The following PRKAR2A variants were observed in gnomAD, a reference collection of about 807,000 sequenced individuals.
PRKAR2A encodes the protein cAMP-dependent protein kinase type II-alpha regulatory subunit.
A neutral mutation model predicts 51.9 loss-of-function variants in PRKAR2A; 29 were observed. The ratio of observed to expected loss-of-function variants is 0.56; its 90% confidence interval spans 0.42 to 0.76. The LOEUF (loss-of-function observed/expected upper bound fraction) is 0.76. PRKAR2A is among the 30% of genes least tolerant of loss of function. The pLI is 0.00. For missense variants in PRKAR2A, 445 were observed against 512.1 expected, an observed-to-expected ratio of 0.87 and a Z score of 1.26; for synonymous variants, 178 against 186.2, an observed-to-expected ratio of 0.96 and a Z score of 0.36.
intron 2 of PRKAR2A, among the ~76,000 whole-genome samples, chr3:48,805,914 C>T (rs2082670546): frequency 6.6e-6 from 1 of 152,168 alleles, no homozygotes; most frequent in Non-Finnish European, 1.5e-5. Context: ...ACAACAATGG[C>T]AGAGGGCCAA....
chr3:48,758,337 G>A (rs1324862976), intron 8 of PRKAR2A, among the ~76,000 whole-genome samples: 1 of 151,584 alleles, frequency 6.6e-6, no homozygotes, highest in East Asian at 1.9e-4. Context: ...CTAGCACTTT[G>A]GGAGGCCACG....
Position 48,781,137 on chromosome 3 carries a change from ATTTTTTT to A in PRKAR2A, c.542+1842_542+1848del, listed in dbSNP as rs71077735. On this transcript the variant is annotated intron_variant, in intron 5 of 10. Coordinates refer to ENST00000265563, the MANE Select transcript of PRKAR2A (RefSeq NM_004157.4). ...AGGCGTGCACCACCATGCCTGGCTA[ATTTTTTT>A]TTTTTTTTTTTTTGTATTTTTAGTA... is the stretch of plus-strand genomic sequence containing the variant. Among the ~76,000 whole-genome samples the A allele has an allele frequency of 6.8e-3, 847 of 124,312 alleles. 22 individuals carry two copies. The highest frequency in any genetic ancestry group is 4.0e-3 in the Non-Finnish European group (237 of 58,618). 81.6% of individuals were successfully genotyped at this position (124,312 alleles called of 152,430 possible).
intron 3 of PRKAR2A, among the ~76,000 whole-genome samples, 161 bp downstream of exon 3, chr3:48,793,836 C>T (rs905251491): frequency 1.3e-5 from 2 of 152,120 alleles, no homozygotes; most frequent in Non-Finnish European, 2.9e-5. Flanking sequence ...GCTCACATAC[C>T]CTCAACCAAT....
intron 1 of PRKAR2A, among the ~76,000 whole-genome samples, chr3:48,834,314 C>T (rs894929291): frequency 1.3e-5 from 2 of 151,952 alleles, no homozygotes; most frequent in African/African-American, 4.8e-5. Context: ...GAGGTAGAGG[C>T]ATAAATCAGA....
chr3:48,840,853 G>A (rs1013469593), intron 1 of PRKAR2A, among the ~76,000 whole-genome samples: 1 of 148,440 alleles, frequency 6.7e-6, no homozygotes, highest in East Asian at 2.0e-4. Flanking sequence ...TGGGATTACA[G>A]GCATGAGCCA....
At chr3:48,762,826 T>C (rs1402577357) in intron 8 of PRKAR2A, among the ~76,000 whole-genome samples, 1 of 152,154 alleles carries the variant, frequency 6.6e-6, no homozygotes, top group Non-Finnish European at 1.5e-5. Flanking sequence ...AACGATCTAC[T>C]GATACATACA....
chr3:48,769,312 C>T (rs1478500393), intron 6 of PRKAR2A, among the ~76,000 whole-genome samples: 3 of 151,638 alleles, frequency 2.0e-5, no homozygotes, highest in South Asian at 2.1e-4. Context: ...CGCCTGCCAC[C>T]GCGCCCGGCT....
intron 9 of PRKAR2A, among the ~76,000 whole-genome samples, chr3:48,754,906 GACTCAC>G (rs1400218561): frequency 5.0e-5 from 7 of 139,920 alleles, no homozygotes; most frequent in Non-Finnish European, 4.6e-5. Context: ...AACAGAGCAA[GACTCAC>G]TCAAAAAAAA....
chr3:48,781,948 T>C (rs765363890), intron 5 of PRKAR2A, among the ~76,000 whole-genome samples: 3 of 152,198 alleles, frequency 2.0e-5, no homozygotes, highest in Non-Finnish European at 1.5e-5. Context: ...ACCAGGCCTA[T>C]GATTAATTTT....
chr3:48,776,968 A>G (rs2082115149), intron 5 of PRKAR2A, among the ~76,000 whole-genome samples: 1 of 152,158 alleles, frequency 6.6e-6, no homozygotes, highest in Admixed American at 6.6e-5. Flanking sequence ...AGTCGACTCC[A>G]TTTTTGATGT....
At chr3:48,815,211 G>C (rs2082854257) in intron 1 of PRKAR2A, among the ~76,000 whole-genome samples, 1 of 151,938 alleles carries the variant, frequency 6.6e-6, no homozygotes, top group Non-Finnish European at 1.5e-5. Context: ...ACTGCACCCA[G>C]CCTTCAATTT....
chr3:48,769,227 G>A (rs1320031364), intron 6 of PRKAR2A, among the ~76,000 whole-genome samples: 2 of 139,404 alleles, frequency 1.4e-5, no homozygotes, highest in East Asian at 4.6e-4. Context: ...GCACAATCTC[G>A]GCTCACTGCA....
At chr3:48,798,615 G>C (rs913165356) in intron 2 of PRKAR2A, among the ~76,000 whole-genome samples, 2 of 150,990 alleles carry the variant, frequency 1.3e-5, no homozygotes, top group Non-Finnish European at 2.9e-5. Flanking sequence ...GGGTACATGG[G>C]TATTATACTA....
At chr3:48,846,118 A>T (rs1376873288) in intron 1 of PRKAR2A, among the ~76,000 whole-genome samples, 1 of 152,156 alleles carries the variant, frequency 6.6e-6, no homozygotes, top group African/African-American at 2.4e-5. Flanking sequence ...AGTAGAGCCA[A>T]TGAAGCTGCT....
intron 1 of PRKAR2A, among the ~76,000 whole-genome samples, chr3:48,825,760 C>T (rs149358250): frequency 6.6e-6 from 1 of 152,318 alleles, no homozygotes; most frequent in African/African-American, 2.4e-5. Context: ...CATCAGTTCA[C>T]ATCTGGCCCC....
rs554072531 is a variant in PRKAR2A, at chr3:48,751,569, C to T, written c.*16G>A. 8.7e-6 allele frequency: 14 copies of T among 1,609,204 alleles called. No individual in the cohort carries two copies. The African/African-American group carries it at 1.9e-4, about 21-fold the overall frequency. Reference sequence around the variant, plus strand: ...GTTTTGGTGTCACACTAAGAAGGCTCTGGGGTGTGGCACACCTACTGCCCG... The same window carrying T: ...GTTTTGGTGTCACACTAAGAAGGCTTTGGGGTGTGGCACACCTACTGCCCG... On this transcript the variant is annotated 3_prime_UTR_variant, in exon 11 of 11. Transcript: ENST00000265563.
In PRKAR2A at chr3:48,847,249, T is replaced by C; in HGVS notation, c.262+86A>G. ...AATCCCAGCCTGCGGTCGGCTTGGC[T>C]GCGGCGCGACACCTGGCTCCCTGCC... is the stretch of plus-strand genomic sequence containing the variant. On this transcript the variant is annotated intron_variant, in intron 1 of 10. Transcript: ENST00000265563. The surrounding 1 kb of genome is among the most constrained non-coding windows in gnomAD (Gnocchi z 4.4). 6.7e-6 allele frequency: 10 copies of C among 1,492,074 alleles called. No individual in the cohort carries two copies. The highest frequency in any genetic ancestry group is 5.1e-5 in the East Asian group (2 of 39,036). 92.4% of individuals were successfully genotyped at this position (1,492,074 alleles called of 1,614,324 possible).
intron 2 of PRKAR2A, among the ~76,000 whole-genome samples, chr3:48,797,759 G>A (rs1434858598): frequency 6.6e-6 from 1 of 152,186 alleles, no homozygotes; most frequent in East Asian, 1.9e-4. Flanking sequence ...GTGATGCTCT[G>A]CAGAGGGCTG....
chr3:48,762,258 T>A (rs986270073), intron 8 of PRKAR2A, among the ~76,000 whole-genome samples: 3 of 152,124 alleles, frequency 2.0e-5, no homozygotes, highest in Non-Finnish European at 4.4e-5. Flanking sequence ...GACTGTAATT[T>A]TTTTAAAAAA....
Sources: gnomAD v4.1 joint callset for allele counts (sites outside exome capture counted in the v4.1 genomes callset) on GRCh38, gnomAD v4.1.1 for gene constraint, Gnocchi (gnomAD v3.1) non-coding constraint, MANE v1.5 for transcripts, NCBI Gene and HGNC (gene_info 2026-07-23, HGNC 2026-07-21) for gene names.